CD1B: variants seen among roughly 807,000 people sequenced by gnomAD.
CD1B encodes the protein CD1b molecule.
Under a neutral mutation model 39.8 loss-of-function variants are expected in CD1B, and 43 were observed. That is an observed-to-expected ratio of 1.08 (90% CI 0.85 to 1.39). The LOEUF (loss-of-function observed/expected upper bound fraction) is 1.39. Ranked by LOEUF, CD1B falls within the 40% of genes most tolerant of loss-of-function variation. CD1B has a pLI of 0.00. For missense variants in CD1B, 495 were observed against 403.8 expected, an observed-to-expected ratio of 1.23 and a Z score of -1.94; for synonymous variants, 192 against 152.5, an observed-to-expected ratio of 1.26 and a Z score of -1.91.
chr1:158,291,219 G>A, the CD1B span: 2 of 1,613,904 alleles, frequency 1.2e-6, no homozygotes, highest in African/African-American at 2.7e-5. Context: ...GCTCAGGATG[G>A]CTGGACGAGT....
chr1:158,309,862 A>G, the CD1B span, among the ~76,000 whole-genome samples: 1 of 152,066 alleles, frequency 6.6e-6, no homozygotes, highest in Non-Finnish European at 1.5e-5. Context: ...GGATAGCATT[A>G]GGAGATATAC....
the CD1B span, among the ~76,000 whole-genome samples, chr1:158,317,283 A>G: frequency 6.6e-6 from 1 of 152,050 alleles, no homozygotes; most frequent in South Asian, 2.1e-4. Context: ...CTGTGAATCC[A>G]TCTGGTCCTG....
At chr1:158,312,993 G>A in the CD1B span, among the ~76,000 whole-genome samples, 1 of 152,078 alleles carries the variant, frequency 6.6e-6, no homozygotes, top group Non-Finnish European at 1.5e-5. Context: ...TTTCTCATAT[G>A]TGGCTTTTAT....
At chr1:158,304,316 C>T in the CD1B span, among the ~76,000 whole-genome samples, 1 of 152,154 alleles carries the variant, frequency 6.6e-6, no homozygotes, top group African/African-American at 2.4e-5. Context: ...CCTGGAGGGT[C>T]CTATGCCCAC....
At chr1:158,291,086 CTCT>C in the CD1B span, 1 of 1,527,342 alleles carries the variant, frequency 6.5e-7, no homozygotes, top group Non-Finnish European at 8.9e-7. Context: ...TTCCTTGCCT[CTCT>C]TTTTTTTTTT....
At chr1:158,297,363 T>A in the CD1B span, among the ~76,000 whole-genome samples, 24 of 152,190 alleles carry the variant, frequency 1.6e-4, no homozygotes, top group Admixed American at 3.9e-4. Flanking sequence ...AAGATTTATA[T>A]GTTAAAGAGA....
chr1:158,315,015 C>T, the CD1B span, among the ~76,000 whole-genome samples: 1 of 146,776 alleles, frequency 6.8e-6, no homozygotes, highest in Non-Finnish European at 1.5e-5. Context: ...CATAGTATTC[C>T]ATGGTGTATA....
chr1:158,288,202 C>T, the CD1B span, among the ~76,000 whole-genome samples: 2 of 152,164 alleles, frequency 1.3e-5, no homozygotes, highest in African/African-American at 2.4e-5. Flanking sequence ...GGGTATTGCT[C>T]TTAAAGATAT....
At chr1:158,292,338 G>T in the CD1B span, 2 of 1,614,088 alleles carry the variant, frequency 1.2e-6, no homozygotes, top group Admixed American at 3.3e-5. Context: ...TCTCCTGGAT[G>T]CAGGGAAGAT....
chr1:158,313,446 G>A, the CD1B span, among the ~76,000 whole-genome samples: 1 of 152,010 alleles, frequency 6.6e-6, no homozygotes, highest in African/African-American at 2.4e-5. Flanking sequence ...GAGTAGCTAG[G>A]ACTACAGGCG....
At chr1:158,312,402 G>A in the CD1B span, among the ~76,000 whole-genome samples, 2 of 152,196 alleles carry the variant, frequency 1.3e-5, no homozygotes, top group Non-Finnish European at 2.9e-5. Flanking sequence ...CCCCAGCTAC[G>A]TGGAACTGTG....
the CD1B span, among the ~76,000 whole-genome samples, chr1:158,320,371 T>C: frequency 6.6e-6 from 1 of 152,166 alleles, no homozygotes; most frequent in African/African-American, 2.4e-5. Flanking sequence ...TGTGCCGTTT[T>C]TTAAGTCCGT....
chr1:158,296,834 A>C, the CD1B span, among the ~76,000 whole-genome samples: 1 of 152,208 alleles, frequency 6.6e-6, no homozygotes, highest in Non-Finnish European at 1.5e-5. Context: ...AATAGACCAC[A>C]CTGAGGGAAG....
At chr1:158,292,351 A>G in the CD1B span, 11 of 1,613,652 alleles carry the variant, frequency 6.8e-6, no homozygotes, top group African/African-American at 1.3e-5. Flanking sequence ...GGGAAGATGT[A>G]TGTACACAGG....
At chr1:158,312,026 T>C in the CD1B span, among the ~76,000 whole-genome samples, 45 of 152,212 alleles carry the variant, frequency 3.0e-4, no homozygotes, top group Non-Finnish European at 4.7e-4. Flanking sequence ...TCTATTTCTA[T>C]GAAGTATGTC....
chr1:158,306,303 T>C, the CD1B span, among the ~76,000 whole-genome samples: 1 of 152,040 alleles, frequency 6.6e-6, no homozygotes, highest in Non-Finnish European at 1.5e-5. Flanking sequence ...AAACAGACTT[T>C]AAACCAACAA....
At chr1:158,328,353 A>C (rs1347572569) in intron 5 of CD1B, 96 bp from the exon 6 acceptor site, 1 of 963,818 alleles carries the variant, frequency 1.0e-6, no homozygotes, top group Non-Finnish European at 1.6e-6. Context: ...AAGTGAAAGC[A>C]ACCCAAGTGT....
At chr1:158,304,123 G>A in the CD1B span, among the ~76,000 whole-genome samples, 2 of 152,088 alleles carry the variant, frequency 1.3e-5, no homozygotes, top group African/African-American at 4.8e-5. Flanking sequence ...CACCCAGCGA[G>A]AGCCAAAGCA....
the CD1B span, among the ~76,000 whole-genome samples, chr1:158,322,710 T>A: frequency 6.6e-6 from 1 of 152,204 alleles, no homozygotes; most frequent in Admixed American, 6.5e-5. Flanking sequence ...TTACTTGGCT[T>A]TTGTTTGTCT....
Sources: allele counts gnomAD v4.1 joint callset (sites outside exome capture counted in the v4.1 genomes callset), GRCh38; gene constraint gnomAD v4.1.1; transcripts MANE v1.5; gene names NCBI Gene and HGNC (gene_info 2026-07-23, HGNC 2026-07-21).